The following UBTF variants were observed in gnomAD, a reference collection of about 807,000 sequenced individuals.
UBTF encodes upstream binding transcription factor.
A neutral mutation model predicts 112.3 loss-of-function variants in UBTF; 8 were observed. That is an observed-to-expected ratio of 0.07 (90% CI 0.04 to 0.13). UBTF has a LOEUF of 0.13. Among genes scored for constraint, UBTF ranks in the 10% least tolerant of loss-of-function variants. The pLI is 1.00. For synonymous variants in UBTF, 417 were observed against 373.1 expected, an observed-to-expected ratio of 1.12 and a Z score of -1.36; for missense variants, 457 against 982.1, an observed-to-expected ratio of 0.47 and a Z score of 7.15.
At position 44,207,247 on chromosome 17, in the gene UBTF, T is replaced by C. The variant is rs1182678863; in HGVS notation, c.2290A>G (p.Asn764Asp). Residue 764 changes from asparagine (N) to aspartate (D), a missense_variant, in exon 21 of 21, where the codon AAC becomes GAC. Asn to Asp is a conservative substitution (Grantham distance 23). Coordinates refer to ENST00000436088, the MANE Select transcript of UBTF (RefSeq NM_014233.4). ...CCCTGGGGTGGGGCTGAGCCTCAGT[T>C]GGAGTCAGAGTCTGAGGAGTCCCCT... ...SSGDSSDSDS[N>D] The C allele has an allele frequency of 6.2e-7, 1 of 1,613,558 alleles. No homozygotes were observed. Among genetic ancestry groups the C allele is most frequent in the South Asian group, 1.1e-5 (1 of 90,884 alleles).
At position 44,218,594 on chromosome 17, in the gene UBTF, C is replaced by CAAAAAAAAAAAAAAAAAAAA. The variant is rs71160095; in HGVS notation, c.-67-299_-67-298insTTTTTTTTTTTTTTTTTTTT. On this transcript the variant is annotated intron_variant, in intron 1 of 20. Coordinates refer to ENST00000436088, the MANE Select transcript of UBTF (RefSeq NM_014233.4). ...CTCCGCCCCGCTTCCCAACCCCAGC[C>CAAAAAAAAAAAAAAAAAAAA]AAAAAAAAAAAAAAAGAAAAAATCT... The CAAAAAAAAAAAAAAAAAAAA allele has an allele frequency of 3.6e-5, 3 of 83,382 alleles. 1 individual carries two copies. Among genetic ancestry groups the CAAAAAAAAAAAAAAAAAAAA allele is most frequent in the East Asian group, 1.0e-3 (2 of 1,944 alleles). The allele number at this position is 83,382 out of a possible 1,614,324, so 5.2% of individuals were successfully genotyped here. A position where few individuals can be genotyped will look rare whatever the true frequency, so the allele number is the denominator to read the frequency against.
Position 44,218,336 on chromosome 17 carries a change from A to G in UBTF, c.-67-40T>C, listed in dbSNP as rs118188334. 247 of 1,282,736 alleles carry G rather than the reference A, an allele frequency of 1.9e-4. No individual in the cohort carries two copies. The East Asian group carries it at 4.1e-3, about 22-fold the overall frequency. 79.5% of individuals were successfully genotyped at this position (1,282,736 alleles called of 1,614,324 possible). ...CCAGTTCCCACTCAGGAAGGCTGAG[A>G]GGTGAACGACTAACGACTTTCTAAC... On this transcript the variant is annotated intron_variant, in intron 1 of 20. Coordinates refer to ENST00000436088, the MANE Select transcript of UBTF (RefSeq NM_014233.4).
chr17:44,221,075 G>A (rs1407637851), upstream of UBTF: 1 of 150,488 alleles, frequency 6.6e-6, no homozygotes, highest in Non-Finnish European at 1.5e-5. Context: ...CCCTCCCACT[G>A]CTCTAGGGGT....
Position 44,210,145 on chromosome 17 carries a change from G to A in UBTF, c.1605C>T (p.Ala535=), listed in dbSNP as rs140827837. The change falls in exon 15 of 21, where the codon GCC becomes GCT. Residue 535 remains alanine, a synonymous_variant. Coordinates refer to ENST00000436088, the MANE Select transcript of UBTF (RefSeq NM_014233.4). The stretch of plus-strand genomic sequence containing the variant: ...CTACCTCATATCGCTTTTGGTCTTC[G>A]GCTGCCTTCTTAATCCACATCAGTT... The part of the protein sequence containing the change: ...KEKLMWIKKA[A]EDQKRYEREL... 10 of 1,614,030 alleles carry A rather than the reference G, an allele frequency of 6.2e-6. No homozygotes were observed. The highest frequency in any genetic ancestry group is 1.1e-5 in the South Asian group (1 of 91,084).
chr17:44,213,204 C>T lies in UBTF; in HGVS notation c.539+14G>A, dbSNP rs372881472. On this transcript the variant is annotated intron_variant, in intron 6 of 20. Coordinates refer to ENST00000436088, the MANE Select transcript of UBTF (RefSeq NM_014233.4). The stretch of plus-strand genomic sequence containing the variant: ...CAGTGCCCCGTGGCCCTCCTCTGGG[C>T]TCCACTGCCTTACCTGAATCGGGCC... The T allele has an allele frequency of 1.9e-6, 3 of 1,612,212 alleles. No individual in the cohort carries two copies. The highest frequency in any genetic ancestry group is 1.3e-5 in the African/African-American group (1 of 74,914).
At position 44,213,240 on chromosome 17, in the gene UBTF, C is replaced by T; in HGVS notation, c.517G>A (p.Glu173Lys). Residue 173 changes from glutamate to lysine, a missense_variant, in exon 6 of 21, where the codon GAG becomes AAG. Physicochemically the swap from Glu to Lys is moderately conservative, Grantham distance 56. This residue lies in a region of UBTF where 87 missense variants were observed against 286.6 expected (regional missense o/e 0.30). Transcript: ENST00000436088. Reference sequence around the variant, plus strand: ...TACCTGAATCGGGCCAGGTTTCGCTCGAACTCCTGTTTCTCTCTCTGGAAG... The same window carrying T: ...TACCTGAATCGGGCCAGGTTTCGCTTGAACTCCTGTTTCTCTCTCTGGAAG... Reference protein sequence around the residue: ...QDFQREKQEFERNLARFREDH... With the variant: ...QDFQREKQEFKRNLARFREDH... 1 of 1,613,854 alleles carries T rather than the reference C, an allele frequency of 6.2e-7. No individual in the cohort carries two copies. Among genetic ancestry groups the T allele is most frequent in the Non-Finnish European group, 8.5e-7 (1 of 1,179,846 alleles).
At chr17:44,220,532 C>T (rs1324779858), upstream of UBTF, among the ~76,000 whole-genome samples, 2 of 151,468 alleles carry the variant, frequency 1.3e-5, no homozygotes, top group Non-Finnish European at 2.9e-5. Context: ...ACTAAAACCT[C>T]TGCATTAAAA....
chr17:44,212,994 A>G, intron 6 of UBTF, 55 bp from the exon 7 acceptor site: 3 of 1,597,268 alleles, frequency 1.9e-6, no homozygotes, highest in Admixed American at 3.4e-5. Context: ...GGGCAGACTC[A>G]AGCTAGCTGC....
chr17:44,213,319 A>G (rs1440896510), intron 5 of UBTF, 37 bp from the exon 6 acceptor site: 1 of 1,602,480 alleles, frequency 6.2e-7, no homozygotes, highest in African/African-American at 1.3e-5. Context: ...TCAGGACCCA[A>G]GGGTATCTCA....
At chr17:44,219,914 C>T (rs1412877727), upstream of UBTF, among the ~76,000 whole-genome samples, 1 of 151,180 alleles carries the variant, frequency 6.6e-6, no homozygotes, top group African/African-American at 2.4e-5. Context: ...CGGCTCCGCT[C>T]CCTCCCACAG....
In UBTF at chr17:44,207,790, AG is replaced by A. The variant is rs2056355737; in HGVS notation, c.1954-21del. On this transcript the variant is annotated intron_variant, in intron 18 of 20. Transcript: ENST00000436088. ...ACGTTTCTGCAGGATGGGGACACAA[AG>A]GTGGCAGCCATGAGTTCGACACCCC... The A allele has an allele frequency of 1.2e-6, 2 of 1,614,144 alleles. No individual in the cohort carries two copies. The highest frequency in any genetic ancestry group is 1.3e-5 in the African/African-American group (1 of 75,036).
At chr17:44,220,325 C>T (rs1313767522), upstream of UBTF, among the ~76,000 whole-genome samples, 1 of 152,018 alleles carries the variant, frequency 6.6e-6, no homozygotes, top group Non-Finnish European at 1.5e-5. Context: ...CCCAAGTTCT[C>T]CCAGCTCAGA....
At chr17:44,213,531 A>G (rs916776692) in intron 5 of UBTF, among the ~76,000 whole-genome samples, 1 of 152,140 alleles carries the variant, frequency 6.6e-6, no homozygotes. Context: ...TCTCCTTCTG[A>G]GCAAGAGTCC....
rs1488376185 is a variant in UBTF, at chr17:44,213,229, C to T, written c.528G>A (p.Leu176=). 1 of 1,613,760 alleles carries T rather than the reference C, an allele frequency of 6.2e-7. No homozygotes were observed. Among genetic ancestry groups the T allele is most frequent in the Non-Finnish European group, 8.5e-7 (1 of 1,179,872 alleles). The change falls in exon 6 of 21, where the codon CTG becomes CTA. Residue 176 remains leucine, a synonymous_variant. Transcript: ENST00000436088. ...CTCCACTGCCTTACCTGAATCGGGCCAGGTTTCGCTCGAACTCCTGTTTCT... is the reference window on the plus strand; with the variant it reads ...CTCCACTGCCTTACCTGAATCGGGCTAGGTTTCGCTCGAACTCCTGTTTCT... ...QREKQEFERN[L]ARFREDHPDL...
At chr17:44,213,426 C>A in intron 5 of UBTF, 144 bp from the exon 6 acceptor site, 1 of 845,726 alleles carries the variant, frequency 1.2e-6, no homozygotes, top group South Asian at 1.8e-5. Flanking sequence ...TGCCCGCCTC[C>A]TGGCGGGACT....
chr17:44,216,984 G>A (rs1256759600), intron 2 of UBTF, among the ~76,000 whole-genome samples: 1 of 152,216 alleles, frequency 6.6e-6, no homozygotes, highest in Non-Finnish European at 1.5e-5. Flanking sequence ...GTGCCAAGCT[G>A]CAACGGGCAG....
rs571498827 is a variant in UBTF, at chr17:44,212,079, G to A, written c.772-73C>T. On this transcript the variant is annotated intron_variant, in intron 8 of 20. Coordinates refer to ENST00000436088, the MANE Select transcript of UBTF (RefSeq NM_014233.4). The stretch of plus-strand genomic sequence containing the variant: ...CTAGGGCAGGGGCAGGGGGAGAGCC[G>A]CTGGGGAGGGCAGGCAGGGAGCAAA... 492 of 1,516,180 alleles carry A rather than the reference G, an allele frequency of 3.2e-4. 1 individual carries two copies. Among genetic ancestry groups the A allele is most frequent in the Non-Finnish European group, 4.0e-4 (442 of 1,113,936 alleles). The allele number at this position is 1,516,180 out of a possible 1,614,324, so 93.9% of individuals were successfully genotyped here.
intron 17 of UBTF, chr17:44,208,678 G>C: frequency 6.2e-6 from 1 of 161,442 alleles, no homozygotes; most frequent in Middle Eastern, 3.0e-3. Flanking sequence ...ACCTGCCTTG[G>C]TGAGTGGGAA....
At position 44,207,605 on chromosome 17, in the gene UBTF, G is replaced by A. The variant is rs2056337615; in HGVS notation, c.2026-8C>T. The stretch of plus-strand genomic sequence containing the variant: ...ATCATCCTCCTCGGACTCCTTGGAG[G>A]GATGGAGGCACATCAGTGGTCTCTG... On this transcript the variant is annotated splice_region_variant and splice_polypyrimidine_tract_variant and intron_variant, in intron 19 of 20. Transcript: ENST00000436088. The A allele has an allele frequency of 1.9e-6, 3 of 1,614,140 alleles. No individual in the cohort carries two copies. The highest frequency in any genetic ancestry group is 4.5e-5 in the East Asian group (2 of 44,886).
Sources: gnomAD v4.1 joint callset for allele counts (sites outside exome capture counted in the v4.1 genomes callset) on GRCh38, gnomAD v4.1.1 for gene constraint, gnomAD v4.1.1 regional missense constraint, MANE v1.5 for transcripts, NCBI Gene and HGNC (gene_info 2026-07-23, HGNC 2026-07-21) for gene names.